ZNF76: variants seen among roughly 807,000 people sequenced by gnomAD.
ZNF76 encodes the protein zinc finger protein 523.
A neutral mutation model predicts 66.9 loss-of-function variants in ZNF76; 66 were observed. The observed-to-expected ratio is 0.99, with a 90% CI of 0.81 to 1.21. The LOEUF (loss-of-function observed/expected upper bound fraction) is 1.21. Ranked by LOEUF, ZNF76 falls within the 50% of genes most tolerant of loss-of-function variation. The pLI, the probability that ZNF76 is intolerant of heterozygous loss-of-function variation, is 0.00. For synonymous variants in ZNF76, 275 were observed against 296.1 expected (o/e 0.93, Z 0.73); for missense variants, 729 against 760.3 (o/e 0.96, Z 0.48).
chr6:35,275,548 A>G (rs1787765150), intron 1 of ZNF76, among the ~76,000 whole-genome samples: 5 of 152,176 alleles, frequency 3.3e-5, no homozygotes, highest in Admixed American at 3.3e-4. Flanking sequence ...GTACAGGGAG[A>G]AAAATGGCAA....
chr6:35,292,273 T>C lies in ZNF76; in HGVS notation c.932-281T>C. On this transcript the variant is annotated intron_variant, in intron 9 of 13. Coordinates refer to ENST00000373953, the MANE Select transcript of ZNF76 (RefSeq NM_003427.5). The surrounding 1 kb of genome is among the most constrained non-coding windows in gnomAD (Gnocchi z 4.7). ...ATTCTCAACCTCCCACCCTCAACCTTATAAGCCCCAGTGCCCCCTACCAGC... is the reference window on the plus strand; with the variant it reads ...ATTCTCAACCTCCCACCCTCAACCTCATAAGCCCCAGTGCCCCCTACCAGC... 2 of 514,098 alleles carry C rather than the reference T, an allele frequency of 3.9e-6. No homozygotes were observed. The highest frequency in any genetic ancestry group is 7.1e-6 in the Non-Finnish European group (2 of 281,120). The allele number at this position is 514,098 out of a possible 1,614,324, so 31.8% of individuals were successfully genotyped here.
At position 35,291,271 on chromosome 6, in the gene ZNF76, T is replaced by C. The variant is rs764833665; in HGVS notation, c.626-7T>C. On this transcript the variant is annotated splice_region_variant and splice_polypyrimidine_tract_variant and intron_variant, in intron 7 of 13. Coordinates refer to ENST00000373953, the MANE Select transcript of ZNF76 (RefSeq NM_003427.5). ...CATCTCACCCCCTGCCTGCCACATATGGACAGGCTATGGACTGAAGAGCCA... is the reference window on the plus strand; with the variant it reads ...CATCTCACCCCCTGCCTGCCACATACGGACAGGCTATGGACTGAAGAGCCA... 55 of 1,604,320 alleles carry C rather than the reference T, an allele frequency of 3.4e-5. No individual in the cohort carries two copies. The highest frequency in any genetic ancestry group is 9.0e-5 in the East Asian group (4 of 44,288).
Position 35,287,924 on chromosome 6 carries a change from G to C in ZNF76, c.432+79G>C, listed in dbSNP as rs1440256394. 6.8e-7 allele frequency: 1 copy of C among 1,474,180 alleles called. No individual in the cohort carries two copies. Among genetic ancestry groups the C allele is most frequent in the African/African-American group, 1.4e-5 (1 of 71,716 alleles). The allele number at this position is 1,474,180 out of a possible 1,614,324, so 91.3% of individuals were successfully genotyped here. On this transcript the variant is annotated intron_variant, in intron 5 of 13. Transcript: ENST00000373953. This position sits in a 1 kb window ranked among gnomAD's most constrained non-coding sequence, Gnocchi z 4.0. ...TGCGCACTGCCTCTTGGCCCTGCCA[G>C]AACTTCACCTCTCAAGAGGACAAGG...
chr6:35,280,899 T>C (rs1317310206), intron 1 of ZNF76, among the ~76,000 whole-genome samples, 157 bp from the exon 2 acceptor site: 1 of 152,234 alleles, frequency 6.6e-6, no homozygotes, highest in East Asian at 1.9e-4. Flanking sequence ...ATAATGTGTA[T>C]TTTGAGCCCT....
chr6:35,262,024 C>T (rs1167783414), intron 1 of ZNF76, among the ~76,000 whole-genome samples: 7 of 152,140 alleles, frequency 4.6e-5, no homozygotes, highest in African/African-American at 1.7e-4. Flanking sequence ...TTTTATGTGA[C>T]AGGAGCCTTC....
At chr6:35,293,939 G>T in intron 12 of ZNF76, 24 bp downstream of exon 12, 1 of 1,610,796 alleles carries the variant, frequency 6.2e-7, no homozygotes, top group South Asian at 1.1e-5. Flanking sequence ...GTTTGCTTGG[G>T]GTTTCTTATT....
Position 35,281,122 on chromosome 6 carries a change from C to T in ZNF76, c.-30C>T, listed in dbSNP as rs1374341100. 25 of 1,612,660 alleles carry T rather than the reference C, an allele frequency of 1.6e-5. No individual in the cohort carries two copies. Among genetic ancestry groups the T allele is most frequent in the Non-Finnish European group, 2.0e-5 (23 of 1,178,912 alleles). ...CTTGGTGCTGGCCAGAAGCCAACTT[C>T]ATGTCTGAGTGCACGAGCAGCAGTT... is the stretch of plus-strand genomic sequence containing the variant. On this transcript the variant is annotated 5_prime_UTR_variant, in exon 2 of 14. Transcript: ENST00000373953.
chr6:35,280,085 C>G (rs1410120161), intron 1 of ZNF76, among the ~76,000 whole-genome samples: 1 of 152,006 alleles, frequency 6.6e-6, no homozygotes, highest in Non-Finnish European at 1.5e-5. Context: ...CCTGCCTCAG[C>G]CTCCCAAAGC....
At chr6:35,285,963 C>A (rs1582149979) in intron 2 of ZNF76, among the ~76,000 whole-genome samples, 165 bp from the exon 3 acceptor site, 1 of 152,186 alleles carries the variant, frequency 6.6e-6, no homozygotes, top group East Asian at 1.9e-4. Context: ...TGTCTCAAGG[C>A]CCAGGCCCAG....
intron 7 of ZNF76, 125 bp downstream of exon 7, chr6:35,290,841 T>A: frequency 1.1e-6 from 1 of 892,594 alleles, no homozygotes; most frequent in Non-Finnish European, 1.8e-6. Flanking sequence ...GTACTCTGAC[T>A]TGCAGGGTGC....
chr6:35,290,463 T>C, intron 6 of ZNF76, 81 bp downstream of exon 6: 1 of 1,586,912 alleles, frequency 6.3e-7, no homozygotes, highest in Non-Finnish European at 8.6e-7. Flanking sequence ...TTGATTGGAA[T>C]TGGTCCCTGC....
At chr6:35,285,601 G>A (rs1789446830) in intron 2 of ZNF76, among the ~76,000 whole-genome samples, 1 of 152,170 alleles carries the variant, frequency 6.6e-6, no homozygotes, top group Non-Finnish European at 1.5e-5. Flanking sequence ...AGGTAGAGCT[G>A]GAATTCAAAC....
chr6:35,266,595 A>G (rs1057430922), intron 1 of ZNF76, among the ~76,000 whole-genome samples: 1 of 152,076 alleles, frequency 6.6e-6, no homozygotes, highest in Non-Finnish European at 1.5e-5. Context: ...TTTGGAGCCT[A>G]GGAAATGTCT....
chr6:35,290,645 A>G lies in ZNF76; in HGVS notation c.554A>G (p.His185Arg), dbSNP rs1790247431. 1 of 1,614,184 alleles carries G rather than the reference A, an allele frequency of 6.2e-7. No individual in the cohort carries two copies. Among genetic ancestry groups the G allele is most frequent in the Non-Finnish European group, 8.5e-7 (1 of 1,180,030 alleles). Residue 185 changes from histidine to arginine, a missense_variant, in exon 7 of 14, where the codon CAT becomes CGT. By Grantham distance (29) the His-to-Arg change is conservative. Coordinates refer to ENST00000373953, the MANE Select transcript of ZNF76 (RefSeq NM_003427.5). ...LYTTAHHLKVHERAHTGDRPY... is the reference protein window; with the variant it reads ...LYTTAHHLKVRERAHTGDRPY... ...TGTGATTGCTTGTCCTCACAGGTGC[A>G]TGAACGAGCTCATACAGGTGACCGT... is the stretch of plus-strand genomic sequence containing the variant.
chr6:35,277,090 T>C (rs1328307636), intron 1 of ZNF76, among the ~76,000 whole-genome samples: 1 of 152,044 alleles, frequency 6.6e-6, no homozygotes, highest in Non-Finnish European at 1.5e-5. Context: ...TGAGCCACCG[T>C]GCCCAGCCTG....
intron 5 of ZNF76, among the ~76,000 whole-genome samples, chr6:35,289,274 A>G (rs1790043575): frequency 6.6e-6 from 1 of 152,160 alleles, no homozygotes; most frequent in Non-Finnish European, 1.5e-5. Flanking sequence ...ACATGGAATG[A>G]AATCCAAGTG....
intron 1 of ZNF76, among the ~76,000 whole-genome samples, chr6:35,260,409 A>C (rs1441604489): frequency 6.6e-6 from 1 of 152,050 alleles, no homozygotes; most frequent in African/African-American, 2.4e-5. Context: ...CACCTTGTAC[A>C]CAACCCTCAG....
At chr6:35,295,001 T>C (rs1360447395) in intron 13 of ZNF76, 143 bp from the exon 14 acceptor site, 5 of 628,926 alleles carry the variant, frequency 8.0e-6, no homozygotes, top group Non-Finnish European at 1.4e-5. Flanking sequence ...TTCATGTTTA[T>C]TGGAGCCCTA....
At chr6:35,272,982 T>C (rs1787333117) in intron 1 of ZNF76, among the ~76,000 whole-genome samples, 1 of 151,928 alleles carries the variant, frequency 6.6e-6, no homozygotes. Context: ...GGCGAAACCC[T>C]GTCTGTACTA....
Sources: allele counts gnomAD v4.1 joint callset (sites outside exome capture counted in the v4.1 genomes callset), GRCh38; gene constraint gnomAD v4.1.1; non-coding constraint Gnocchi (gnomAD v3.1); transcripts MANE v1.5; gene names NCBI Gene and HGNC (gene_info 2026-07-23, HGNC 2026-07-21).